Variants in HECTD3 observed in about 807,000 individuals in gnomAD.
HECTD3 encodes E3 ubiquitin-protein ligase HECTD3.
HECTD3 carries 72 observed loss-of-function variants against 109.3 expected under a neutral mutation model. That is an observed-to-expected ratio of 0.66 (90% CI 0.54 to 0.80). The LOEUF (loss-of-function observed/expected upper bound fraction) is 0.80. HECTD3 is among the 30% of genes least tolerant of loss of function. The probability of loss-of-function intolerance (pLI) is 0.00; values close to 1 mark genes in which losing one functional copy is unlikely to be tolerated. For missense variants in HECTD3, 1,041 were observed against 1,165.2 expected, an observed-to-expected ratio of 0.89 and a Z score of 1.55; for synonymous variants, 481 against 471.8, an observed-to-expected ratio of 1.02 and a Z score of -0.25.
rs796388421 is a variant in HECTD3, at chr1:45,011,269, G to T, written c.-12C>A. ...CCAGGACCCGCCATGGCGAAGTGGC[G>T]GAGGTGAGCACCTAGAGGCGACCCT... On this transcript the variant is annotated 5_prime_UTR_variant, in exon 1 of 21. Coordinates refer to ENST00000372172, the MANE Select transcript of HECTD3 (RefSeq NM_024602.6). 4 of 1,355,268 alleles carry T rather than the reference G, an allele frequency of 3.0e-6. No homozygotes were observed. Among genetic ancestry groups the T allele is most frequent in the African/African-American group, 1.5e-5 (1 of 65,016 alleles). 84.0% of individuals were successfully genotyped at this position (1,355,268 alleles called of 1,614,324 possible).
At chr1:45,007,130 GT>G in intron 11 of HECTD3, 88 bp downstream of exon 11, 2 of 3,212 alleles carry the variant, frequency 6.2e-4, no homozygotes, top group Non-Finnish European at 3.0e-3. Flanking sequence ...GAGCAGTTGT[GT>G]GTGTGTGTGT....
At chr1:45,007,907 C>T (rs1348382834) in intron 9 of HECTD3, among the ~76,000 whole-genome samples, 2 of 152,180 alleles carry the variant, frequency 1.3e-5, no homozygotes, top group East Asian at 3.8e-4. Context: ...ATCCTTCCAC[C>T]CTCATCCCTC....
In HECTD3 at chr1:45,004,633, G is replaced by C; in HGVS notation, c.2109C>G (p.Val703=). 1 of 1,614,132 alleles carries C rather than the reference G, an allele frequency of 6.2e-7. No individual in the cohort carries two copies. The highest frequency in any genetic ancestry group is 2.2e-5 in the East Asian group (1 of 44,888). ...TGCTCTCCTCTAGCCGTGCCTTCTG[G>C]ACCAGTTGGATGAAACGAGAACGGT... ...YGDRSRFIQL[V]QKARLEESKE... The change falls in exon 16 of 21, where the codon GTC becomes GTG. Residue 703 remains valine (V), a synonymous_variant. Coordinates refer to ENST00000372172, the MANE Select transcript of HECTD3 (RefSeq NM_024602.6).
chr1:45,010,752 G>C, intron 1 of HECTD3, 46 bp from the exon 2 acceptor site: 1 of 1,519,952 alleles, frequency 6.6e-7, no homozygotes, highest in Non-Finnish European at 8.8e-7. Flanking sequence ...GAACTGCCCA[G>C]CCGCCTGTCG....
At chr1:45,009,281 ACTG>A (rs1263150391) in intron 6 of HECTD3, 55 bp from the exon 7 acceptor site, 5 of 1,547,416 alleles carry the variant, frequency 3.2e-6, no homozygotes, top group Non-Finnish European at 4.5e-6. Context: ...GCCTTCAGAG[ACTG>A]CTGGAGTCTC....
chr1:45,006,906 T>C lies in HECTD3; in HGVS notation c.1621+45A>G, dbSNP rs1338828558. 1.9e-6 allele frequency: 3 copies of C among 1,605,090 alleles called. No homozygotes were observed. Among genetic ancestry groups the C allele is most frequent in the Non-Finnish European group, 2.6e-6 (3 of 1,171,816 alleles). On this transcript the variant is annotated intron_variant, in intron 12 of 20. Coordinates refer to ENST00000372172, the MANE Select transcript of HECTD3 (RefSeq NM_024602.6). This position sits in a 1 kb window ranked among gnomAD's most constrained non-coding sequence, Gnocchi z 4.7. Reference sequence around the variant, plus strand: ...TGGTGAAAAGCCTCTACCACTTTGATAGGGCAGCAAGCAGGACCCTTGAGA... The same window carrying C: ...TGGTGAAAAGCCTCTACCACTTTGACAGGGCAGCAAGCAGGACCCTTGAGA...
At chr1:45,007,938 G>A (rs1569942118) in intron 9 of HECTD3, among the ~76,000 whole-genome samples, 1 of 152,056 alleles carries the variant, frequency 6.6e-6, no homozygotes. Flanking sequence ...ACACCTACTG[G>A]CACACTTTTC....
Position 45,010,982 on chromosome 1 carries a change from G to A in HECTD3, c.276C>T (p.Ala92=), listed in dbSNP as rs753548964. The change falls in exon 1 of 21, where the codon GCC becomes GCT. Residue 92 remains alanine, a synonymous_variant. Coordinates refer to ENST00000372172, the MANE Select transcript of HECTD3 (RefSeq NM_024602.6). The stretch of plus-strand genomic sequence containing the variant: ...CGCGCCGGAGCTCAATGCTGTCGCG[G>A]GCGGCGCGGAGGGGCCCGGAGCCGG... ...PGTGSGPLRA[A]RDSIELRRGA... is the part of the protein sequence containing the mutation. The A allele has an allele frequency of 2.9e-5, 44 of 1,503,372 alleles. No homozygotes were observed. The highest frequency in any genetic ancestry group is 3.9e-5 in the Non-Finnish European group (44 of 1,140,056). The allele number at this position is 1,503,372 out of a possible 1,614,324, so 93.1% of individuals were successfully genotyped here.
rs771395444 is a variant in HECTD3, at chr1:45,004,626, C to A, written c.2116G>T (p.Ala706Ser). The change falls in exon 16 of 21, where the codon GCA (alanine) becomes TCA (serine). Residue 706 changes from alanine (A) to serine (S), a missense_variant. Physicochemically the swap from Ala to Ser is moderately conservative, Grantham distance 99 (BLOSUM62 1). Transcript: ENST00000372172. Reference protein sequence around the residue: ...RSRFIQLVQKARLEESKEQVA... With the variant: ...RSRFIQLVQKSRLEESKEQVA... ...TGCTCCTTGCTCTCCTCTAGCCGTG[C>A]CTTCTGGACCAGTTGGATGAAACGA... The A allele has an allele frequency of 4.3e-6, 7 of 1,614,170 alleles. No individual in the cohort carries two copies. The highest frequency in any genetic ancestry group is 1.7e-4 in the Middle Eastern group (1 of 6,052).
Position 45,003,767 on chromosome 1 carries a change from A to G in HECTD3, c.2430-27T>C. ...TGGGGGCATTGAGGGACCATAGGTC[A>G]GGAAGATGTGTTGGGGCACATGTAC... is the stretch of plus-strand genomic sequence containing the variant. On this transcript the variant is annotated intron_variant, in intron 19 of 20. Transcript: ENST00000372172. The surrounding 1 kb of genome is among the most constrained non-coding windows in gnomAD (Gnocchi z 4.7). The G allele has an allele frequency of 6.2e-7, 1 of 1,613,840 alleles. No homozygotes were observed. The highest frequency in any genetic ancestry group is 8.5e-7 in the Non-Finnish European group (1 of 1,179,772).
At chr1:45,007,376 C>A in intron 10 of HECTD3, 37 bp downstream of exon 10, 1 of 1,612,014 alleles carries the variant, frequency 6.2e-7, no homozygotes, top group Non-Finnish European at 8.5e-7. Flanking sequence ...TGGCCCTTGA[C>A]TGATCCTATC....
At position 45,010,087 on chromosome 1, in the gene HECTD3, C is replaced by T. The variant is rs780613816; in HGVS notation, c.658G>A (p.Glu220Lys). 8 of 1,593,338 alleles carry T rather than the reference C, an allele frequency of 5.0e-6. No homozygotes were observed. The highest frequency in any genetic ancestry group is 2.7e-5 in the African/African-American group (2 of 74,678). The change falls in exon 4 of 21, where the codon GAG (glutamate) becomes AAG (lysine). Residue 220 changes from glutamate (E) to lysine (K), a missense_variant. Around this residue, in one of 2 missense-constraint regions of HECTD3, gnomAD observed 472 missense variants for 449.9 expected, o/e 1.05. Transcript: ENST00000372172. Reference protein sequence around the residue: ...VPPTWTYECDEDLIHFLYDHL... With the variant: ...VPPTWTYECDKDLIHFLYDHL... The stretch of plus-strand genomic sequence containing the variant: ...TCATACAAGAAGTGGATCAGGTCCT[C>T]GTCGCACTCGTAGGTCCATGTCGGG...
chr1:45,006,308 A>ATT lies in HECTD3; in HGVS notation c.1726-194_1726-193dup, dbSNP rs144329171. 0.047 allele frequency: 19,833 copies of ATT among 420,732 alleles called. 1 individual carries two copies. The highest frequency in any genetic ancestry group is 0.073 in the Middle Eastern group (114 of 1,558). The allele number at this position is 420,732 out of a possible 1,614,324, so 26.1% of individuals were successfully genotyped here. ...TCAGTCCCTCCTCTGCCCTATTTCTATTTTTTTTTTTTTTTGAGACAGAGT... is the reference window on the plus strand; with the variant it reads ...TCAGTCCCTCCTCTGCCCTATTTCTATTTTTTTTTTTTTTTTTGAGACAGAGT... On this transcript the variant is annotated intron_variant, in intron 13 of 20. Coordinates refer to ENST00000372172, the MANE Select transcript of HECTD3 (RefSeq NM_024602.6). This position sits in a 1 kb window ranked among gnomAD's most constrained non-coding sequence, Gnocchi z 4.7.
Position 45,003,788 on chromosome 1 carries a change from T to C in HECTD3, c.2430-48A>G, listed in dbSNP as rs1180168937. 2.5e-6 allele frequency: 4 copies of C among 1,612,664 alleles called. No homozygotes were observed. The highest frequency in any genetic ancestry group is 1.7e-5 in the Admixed American group (1 of 60,022). On this transcript the variant is annotated intron_variant, in intron 19 of 20. Coordinates refer to ENST00000372172, the MANE Select transcript of HECTD3 (RefSeq NM_024602.6). The surrounding 1 kb of genome is among the most constrained non-coding windows in gnomAD (Gnocchi z 4.7). Reference sequence around the variant, plus strand: ...GGTCAGGAAGATGTGTTGGGGCACATGTACGTGTGTGGGGAGGGAGGACAG... The same window carrying C: ...GGTCAGGAAGATGTGTTGGGGCACACGTACGTGTGTGGGGAGGGAGGACAG...
chr1:45,004,219 C>T (rs751602144), intron 17 of HECTD3, 29 bp downstream of exon 17: 7 of 1,613,312 alleles, frequency 4.3e-6, no homozygotes, highest in Non-Finnish European at 5.1e-6. Flanking sequence ...GCTGTGCTGC[C>T]CTGCCCTGCC....
At position 45,007,147 on chromosome 1, in the gene HECTD3, TG is replaced by T. The variant is rs1447509288; in HGVS notation, c.1556+71del. The stretch of plus-strand genomic sequence containing the variant: ...GCAGTTGTGTGTGTGTGTGTGTGTG[TG>T]TGTGTGTGTTTGTGTGTGTTTGTGT... On this transcript the variant is annotated intron_variant, in intron 11 of 20. Transcript: ENST00000372172. 19 of 1,450,652 alleles carry T rather than the reference TG, an allele frequency of 1.3e-5. No homozygotes were observed. In the African/African-American group the frequency reaches 1.9e-4, roughly 15 times the overall value. The allele number at this position is 1,450,652 out of a possible 1,614,324, so 89.9% of individuals were successfully genotyped here. A position where few individuals can be genotyped will look rare whatever the true frequency, so the allele number is the denominator to read the frequency against.
intron 9 of HECTD3, 128 bp downstream of exon 9, chr1:45,008,112 C>T (rs1228977547): frequency 1.4e-6 from 1 of 701,374 alleles, no homozygotes; most frequent in Admixed American, 2.9e-5. Flanking sequence ...TTCTGGCTTT[C>T]TTCCTATGTT....
Position 45,004,141 on chromosome 1 carries a change from G to C in HECTD3, c.2273-7C>G. 1 of 1,614,180 alleles carries C rather than the reference G, an allele frequency of 6.2e-7. No homozygotes were observed. Among genetic ancestry groups the C allele is most frequent in the African/African-American group, 1.3e-5 (1 of 75,044 alleles). ...TCGAAGTCCTCAAACCGGGCTGGTGGAGACAAGGCCAGCATTCATTCTTGG... is the reference window on the plus strand; with the variant it reads ...TCGAAGTCCTCAAACCGGGCTGGTGCAGACAAGGCCAGCATTCATTCTTGG... On this transcript the variant is annotated splice_region_variant and splice_polypyrimidine_tract_variant and intron_variant, in intron 17 of 20. Transcript: ENST00000372172.
rs184021803 is a variant in HECTD3, at chr1:45,003,455, C to A, written c.*37G>T. On this transcript the variant is annotated 3_prime_UTR_variant, in exon 21 of 21. Coordinates refer to ENST00000372172, the MANE Select transcript of HECTD3 (RefSeq NM_024602.6). This position sits in a 1 kb window ranked among gnomAD's most constrained non-coding sequence, Gnocchi z 4.7. ...GCCCTGGGCAAGGCCAAGAGGGACA[C>A]GTGCAGTCTTGCTGGTCCCACAGCC... is the stretch of plus-strand genomic sequence containing the variant. 6.3e-7 allele frequency: 1 copy of A among 1,583,452 alleles called. No homozygotes were observed. Among genetic ancestry groups the A allele is most frequent in the Non-Finnish European group, 8.7e-7 (1 of 1,152,464 alleles).
Sources: allele counts gnomAD v4.1 joint callset (sites outside exome capture counted in the v4.1 genomes callset), GRCh38; gene constraint gnomAD v4.1.1; regional missense constraint gnomAD v4.1.1; non-coding constraint Gnocchi (gnomAD v3.1); transcripts MANE v1.5; gene names NCBI Gene and HGNC (gene_info 2026-07-23, HGNC 2026-07-21).